Variants in VRK2 observed in about 807,000 individuals in gnomAD.
The protein encoded by VRK2 is serine/threonine-protein kinase VRK2.
VRK2 carries 60 observed loss-of-function variants against 57.6 expected under a neutral mutation model. That is an observed-to-expected ratio of 1.04 (90% CI 0.85 to 1.29). The LOEUF (loss-of-function observed/expected upper bound fraction) is 1.29, where lower values mean the gene tolerates loss of function less well. VRK2 is among the 50% of genes most tolerant of loss of function. The pLI, the probability that VRK2 is intolerant of heterozygous loss-of-function variation, is 0.00. For missense variants in VRK2, 705 were observed against 588.1 expected, an observed-to-expected ratio of 1.20 and a Z score of -2.06; for synonymous variants, 231 against 199.2, an observed-to-expected ratio of 1.16 and a Z score of -1.35.
chr2:58,135,768 A>G (rs989980381), intron 10 of VRK2, among the ~76,000 whole-genome samples: 1 of 152,200 alleles, frequency 6.6e-6, no homozygotes, highest in Non-Finnish European at 1.5e-5. Flanking sequence ...TTAATTGACA[A>G]TGTTATCAAT....
intron 1 of VRK2, among the ~76,000 whole-genome samples, chr2:57,990,442 T>A (rs1389066345): frequency 2.0e-5 from 3 of 152,192 alleles, no homozygotes. Flanking sequence ...AAAAGAATTA[T>A]TCAGGGTAAA....
rs1335044312 is a variant in VRK2 at position 58,153,844 on chromosome 2, C to CT, written c.1183-5500dup. Reference sequence around the variant, plus strand: ...TGAAACCATCTGGGTCTGGAGATTCCTTTTTAGCTATGAATTCAATTTCTT... The same window carrying CT: ...TGAAACCATCTGGGTCTGGAGATTCCTTTTTTAGCTATGAATTCAATTTCTT... On this transcript the variant is annotated intron_variant, in intron 12 of 12. Coordinates refer to ENST00000340157, the MANE Select transcript of VRK2 (RefSeq NM_006296.7). 3.3e-5 allele frequency among the ~76,000 whole-genome samples: 5 copies of CT among 152,058 alleles called. No individual in the cohort carries two copies. The East Asian group carries it at 9.7e-4, about 29-fold the overall frequency.
At chr2:57,959,296 CAT>C (rs753732116) in intron 1 of VRK2, among the ~76,000 whole-genome samples, 35 of 152,284 alleles carry the variant, frequency 2.3e-4, no homozygotes, top group South Asian at 8.3e-4. Flanking sequence ...CTTTCGGAAA[CAT>C]GTGAGGAAAT....
chr2:58,021,227 G>C (rs1001994316), intron 1 of VRK2, among the ~76,000 whole-genome samples: 4 of 152,070 alleles, frequency 2.6e-5, no homozygotes, highest in African/African-American at 7.2e-5. Context: ...CAGTACAAAT[G>C]AGTGAAAAAT....
At chr2:58,066,127 C>G (rs1301442710) in intron 2 of VRK2, among the ~76,000 whole-genome samples, 1 of 152,168 alleles carries the variant, frequency 6.6e-6, no homozygotes, top group Non-Finnish European at 1.5e-5. Flanking sequence ...CTGGCTAGGA[C>G]TTACAGTGAT....
intron 1 of VRK2, among the ~76,000 whole-genome samples, chr2:58,019,322 C>T (rs1673677634): frequency 6.6e-6 from 1 of 152,052 alleles, no homozygotes; most frequent in Admixed American, 6.6e-5. Context: ...ATAAGTATAT[C>T]CGCTTTTTTT....
chr2:57,997,720 T>G (rs112900504), intron 1 of VRK2, among the ~76,000 whole-genome samples: 52 of 152,088 alleles, frequency 3.4e-4, no homozygotes, highest in African/African-American at 1.2e-3. Flanking sequence ...CTGGGCAACA[T>G]GGTGAAACAC....
At chr2:58,078,681 A>G (rs986142171) in intron 2 of VRK2, among the ~76,000 whole-genome samples, 24 of 152,064 alleles carry the variant, frequency 1.6e-4, no homozygotes, top group Admixed American at 5.2e-4. Context: ...ATTTAAAACA[A>G]ATTTTGTTTG....
intron 10 of VRK2, among the ~76,000 whole-genome samples, chr2:58,137,152 G>GATACATATATATATGATACA (rs1558686417): frequency 1.5e-3 from 2 of 1,342 alleles, no homozygotes; most frequent in Non-Finnish European, 3.9e-3. Context: ...TATATATCAT[G>GATACATATATATATGATACA]TGTTTATATA....
chr2:58,117,510 C>G (rs778058907), intron 7 of VRK2, among the ~76,000 whole-genome samples: 1 of 151,904 alleles, frequency 6.6e-6, no homozygotes, highest in African/African-American at 2.4e-5. Context: ...AAAGACTCAG[C>G]GACGCTTGGG....
intron 1 of VRK2, among the ~76,000 whole-genome samples, chr2:57,932,275 T>C (rs900727376): frequency 3.3e-5 from 5 of 152,286 alleles, no homozygotes. Flanking sequence ...GGAAGACTGG[T>C]ATTTCTCTTT....
intron 1 of VRK2, among the ~76,000 whole-genome samples, chr2:58,019,039 G>T (rs1166657235): frequency 6.6e-6 from 1 of 152,114 alleles, no homozygotes; most frequent in South Asian, 2.1e-4. Context: ...TATTTTAGAT[G>T]CATTTTTAAA....
intron 2 of VRK2, among the ~76,000 whole-genome samples, chr2:58,072,707 G>T (rs1271652442): frequency 4.0e-5 from 6 of 151,744 alleles, no homozygotes; most frequent in Non-Finnish European, 5.9e-5. Context: ...GAGAGATATT[G>T]ATTTGTAGTT....
intron 1 of VRK2, among the ~76,000 whole-genome samples, chr2:57,999,006 T>C (rs1237246623): frequency 1.3e-5 from 2 of 152,086 alleles, no homozygotes; most frequent in Non-Finnish European, 2.9e-5. Context: ...ATTGTGTGTA[T>C]ATTAATAAAT....
At chr2:57,960,165 T>C (rs1035309246) in intron 1 of VRK2, among the ~76,000 whole-genome samples, 11 of 152,206 alleles carry the variant, frequency 7.2e-5, no homozygotes, top group Non-Finnish European at 1.3e-4. Flanking sequence ...TGTTCTTTAA[T>C]TGGTTGTCTG....
chr2:57,917,740 T>C (rs953123017), intron 1 of VRK2, among the ~76,000 whole-genome samples: 1 of 151,878 alleles, frequency 6.6e-6, no homozygotes, highest in African/African-American at 2.4e-5. Flanking sequence ...TTTACTTTAA[T>C]GGTTAAGAGA....
At chr2:58,158,251 G>GTTAA in intron 12 of VRK2, among the ~76,000 whole-genome samples, 1 of 151,874 alleles carries the variant, frequency 6.6e-6, no homozygotes. Flanking sequence ...TTTGACTTTA[G>GTTAA]TTAATAAAGC....
intron 1 of VRK2, among the ~76,000 whole-genome samples, chr2:57,919,903 C>G (rs767296841): frequency 5.3e-5 from 8 of 152,014 alleles, no homozygotes; most frequent in Non-Finnish European, 8.8e-5. Context: ...GGTTTCTCAG[C>G]TGAAGTTAAA....
intron 1 of VRK2, among the ~76,000 whole-genome samples, chr2:57,933,317 T>TC: frequency 7.6e-6 from 1 of 132,388 alleles, no homozygotes; most frequent in Admixed American, 7.4e-5. Flanking sequence ...TTCTTTTTTT[T>TC]TTTTTTTTTT....
Sources: allele counts gnomAD v4.1 joint callset (sites outside exome capture counted in the v4.1 genomes callset), GRCh38; gene constraint gnomAD v4.1.1; transcripts MANE v1.5; gene names NCBI Gene and HGNC (gene_info 2026-07-23, HGNC 2026-07-21).